The following PKHD1 variants were observed in gnomAD, a reference collection of about 807,000 sequenced individuals.
The protein encoded by PKHD1 is fibrocystin.
In PKHD1, 291 loss-of-function variants were observed where a neutral mutation model predicts 412.0. That is an observed-to-expected ratio of 0.71 (90% CI 0.64 to 0.78). PKHD1 has a LOEUF of 0.78. Among genes scored for constraint, PKHD1 ranks in the 30% least tolerant of loss-of-function variants. The pLI, the probability that PKHD1 is intolerant of heterozygous loss-of-function variation, is 0.00. For synonymous variants in PKHD1, 1,777 were observed against 1,821.5 expected (o/e 0.98, Z 0.62); for missense variants, 4,825 against 4,950.7 (o/e 0.97, Z 0.76).
At chr6:51,874,096 T>A (rs1417191930) in intron 46 of PKHD1, among the ~76,000 whole-genome samples, 3 of 151,808 alleles carry the variant, frequency 2.0e-5, no homozygotes, top group Non-Finnish European at 4.4e-5. Flanking sequence ...AATCCACAAG[T>A]GAAAATGGGA....
chr6:51,617,193 C>G lies in PKHD1; in HGVS notation c.*1888G>C, dbSNP rs2150232420. On this transcript the variant is annotated 3_prime_UTR_variant, in exon 67 of 67. Transcript: ENST00000371117. ...CTACCATTTTATAAACCTCAAAAGC[C>G]TTCACTTCTGAAATGTTTTTTTCCA... is the stretch of plus-strand genomic sequence containing the variant. 6.6e-6 allele frequency: 1 copy of G among 152,586 alleles called. No homozygotes were observed. Among genetic ancestry groups the G allele is most frequent in the African/African-American group, 2.4e-5 (1 of 41,570 alleles). The allele number at this position is 152,586 out of a possible 1,614,324, so 9.5% of individuals were successfully genotyped here. A position where few individuals can be genotyped will look rare whatever the true frequency, so the allele number is the denominator to read the frequency against.
chr6:51,896,209 G>C (rs1779949967), intron 43 of PKHD1, among the ~76,000 whole-genome samples: 1 of 150,624 alleles, frequency 6.6e-6, no homozygotes, highest in Admixed American at 6.6e-5. Context: ...TCCACCTCTG[G>C]GGGCAGGGCA....
rs571941207 is a variant in PKHD1, at chr6:51,777,678, G to C, written c.8441-1757C>G. 2.8e-3 allele frequency among the ~76,000 whole-genome samples: 265 copies of C among 95,642 alleles called. 1 individual carries two copies. The highest frequency in any genetic ancestry group is 0.01 in the African/African-American group (239 of 23,708). The allele number at this position is 95,642 out of a possible 152,430, so 62.7% of individuals were successfully genotyped here. A position where few individuals can be genotyped will look rare whatever the true frequency, so the allele number is the denominator to read the frequency against. ...CACGGAGGGTAGTTTAGAGTCTTTG[G>C]GAAAAAAAAAAAAAAAAAAAAAAAA... is the stretch of plus-strand genomic sequence containing the variant. On this transcript the variant is annotated intron_variant, in intron 53 of 66. Coordinates refer to ENST00000371117, the MANE Select transcript of PKHD1 (RefSeq NM_138694.4).
chr6:51,883,874 A>C (rs1453310777), intron 45 of PKHD1, among the ~76,000 whole-genome samples: 1 of 152,184 alleles, frequency 6.6e-6, no homozygotes, highest in Non-Finnish European at 1.5e-5. Flanking sequence ...TTACAAAAAA[A>C]ACTTGGGGCT....
At chr6:51,717,659 T>A (rs553107388) in intron 60 of PKHD1, among the ~76,000 whole-genome samples, 3 of 152,292 alleles carry the variant, frequency 2.0e-5, no homozygotes, top group African/African-American at 7.2e-5. Flanking sequence ...GTACACTGTA[T>A]GATGCTAACA....
rs199652903 is a variant in PKHD1 at position 52,055,770 on chromosome 6, A to T, written c.1694-41T>A. On this transcript the variant is annotated intron_variant, in intron 18 of 66. Coordinates refer to ENST00000371117, the MANE Select transcript of PKHD1 (RefSeq NM_138694.4). ...ATAAAATAGAAAGGCAGGCATAGAT[A>T]TTAAAAAAGACAGAGCTTCCCTACA... 3.0e-4 allele frequency: 487 copies of T among 1,607,184 alleles called. 5 individuals are homozygous for T. The South Asian group carries it at 5.2e-3, about 17-fold the overall frequency.
chr6:51,948,255 G>A (rs911035617), intron 36 of PKHD1, among the ~76,000 whole-genome samples: 1 of 152,024 alleles, frequency 6.6e-6, no homozygotes, highest in East Asian at 1.9e-4. Flanking sequence ...GAACCATATC[G>A]TGTTACCTCT....
chr6:51,933,356 T>C (rs1260543694), intron 37 of PKHD1, among the ~76,000 whole-genome samples: 1 of 152,210 alleles, frequency 6.6e-6, no homozygotes, highest in African/African-American at 2.4e-5. Flanking sequence ...TGTAAGAGGA[T>C]TCTAAGTAGA....
intron 60 of PKHD1, among the ~76,000 whole-genome samples, chr6:51,727,546 G>A (rs1401493068): frequency 6.6e-6 from 1 of 152,292 alleles, no homozygotes; most frequent in East Asian, 1.9e-4. Context: ...CCCTTCTGGC[G>A]TCTTTAAACC....
chr6:51,824,731 A>T (rs1167699182), intron 52 of PKHD1, among the ~76,000 whole-genome samples: 1 of 152,214 alleles, frequency 6.6e-6, no homozygotes, highest in Non-Finnish European at 1.5e-5. Context: ...CCCTGAAAGA[A>T]AATGCTCGAA....
At chr6:51,900,261 C>A (rs1370577736) in intron 43 of PKHD1, among the ~76,000 whole-genome samples, 1 of 152,216 alleles carries the variant, frequency 6.6e-6, no homozygotes, top group Admixed American at 6.5e-5. Context: ...CCCTACCTGA[C>A]TTCAAACTAT....
At chr6:51,757,278 A>G in intron 55 of PKHD1, among the ~76,000 whole-genome samples, 1 of 152,208 alleles carries the variant, frequency 6.6e-6, no homozygotes, top group African/African-American at 2.4e-5. Flanking sequence ...ACTCATCCAC[A>G]TGAGATTTTT....
At chr6:51,641,427 CCTTTT>C (rs1769332738) in intron 63 of PKHD1, among the ~76,000 whole-genome samples, 10 of 152,116 alleles carry the variant, frequency 6.6e-5, no homozygotes, top group African/African-American at 2.4e-4. Flanking sequence ...AAATAGTAAT[CCTTTT>C]ACACTGTTGG....
rs565045703 is a variant in PKHD1 at position 52,028,190 on chromosome 6, C to T, written c.3526G>A (p.Val1176Ile). Residue 1176 changes from valine (V) to isoleucine (I), a missense_variant, in exon 30 of 67, where the codon GTC becomes ATC. Val to Ile is a conservative substitution (Grantham distance 29). Transcript: ENST00000371117. ...TGAATGCTGACCCCATTGATAGAGA[C>T]GGAAATTCTGTGGAGACCAGCTGGC... Reference protein sequence around the residue: ...PLPAGLHRISVSINGVSIHSQ... With the variant: ...PLPAGLHRISISINGVSIHSQ... 189 of 1,614,230 alleles carry T rather than the reference C, an allele frequency of 1.2e-4. No individual in the cohort carries two copies. The highest frequency in any genetic ancestry group is 2.1e-4 in the South Asian group (19 of 91,084).
chr6:51,965,948 C>T (rs565125683), intron 35 of PKHD1, among the ~76,000 whole-genome samples: 8 of 152,068 alleles, frequency 5.3e-5, no homozygotes, highest in Non-Finnish European at 8.8e-5. Flanking sequence ...AGTATCTCTT[C>T]TGAATTTTAA....
chr6:51,909,322 T>A lies in PKHD1; in HGVS notation c.6643A>T (p.Lys2215Ter). ...QFQVLGQAFH[K>*]HLSSLTLVGA... The stretch of plus-strand genomic sequence containing the variant: ...ACCAGAGTGAGTGAGCTCAGATGCT[T>A]ATGGAAGGCTTGCCCCAAGACTTGA... The change falls in exon 40 of 67, where the codon AAG (lysine) becomes TAG (stop). Residue 2215 changes from lysine to a stop codon, truncating the protein, a stop_gained. Transcript: ENST00000371117. LOFTEE classifies it high-confidence loss of function. 1 of 1,613,504 alleles carries A rather than the reference T, an allele frequency of 6.2e-7. No individual in the cohort carries two copies. The highest frequency in any genetic ancestry group is 8.5e-7 in the Non-Finnish European group (1 of 1,179,604).
At chr6:52,021,316 T>C (rs1300989437) in intron 33 of PKHD1, among the ~76,000 whole-genome samples, 1 of 152,236 alleles carries the variant, frequency 6.6e-6, no homozygotes, top group Non-Finnish European at 1.5e-5. Context: ...ATATCACAAC[T>C]TACCTGATCC....
At chr6:52,019,457 A>C (rs928160346) in intron 33 of PKHD1, among the ~76,000 whole-genome samples, 2 of 152,262 alleles carry the variant, frequency 1.3e-5, no homozygotes, top group African/African-American at 4.8e-5. Flanking sequence ...GGACTCTTGT[A>C]TGAACAGACA....
intron 31 of PKHD1, among the ~76,000 whole-genome samples, chr6:52,027,532 C>CAAAA (rs1229066296): frequency 5.7e-4 from 47 of 83,012 alleles, no homozygotes; most frequent in Middle Eastern, 6.5e-3. Context: ...AACTCCGTCT[C>CAAAA]AAAAAAAAAA....
Sources: allele counts gnomAD v4.1 joint callset (sites outside exome capture counted in the v4.1 genomes callset), GRCh38; gene constraint gnomAD v4.1.1; transcripts MANE v1.5; gene names NCBI Gene and HGNC (gene_info 2026-07-23, HGNC 2026-07-21).